The following PPM1E variants were observed in gnomAD, a reference collection of about 807,000 sequenced individuals.
The protein encoded by PPM1E is protein phosphatase, Mg2+/Mn2+ dependent 1E, also known as protein phosphatase 1E.
A neutral mutation model predicts 65.9 loss-of-function variants in PPM1E; 20 were observed. The ratio of observed to expected loss-of-function variants is 0.30; its 90% CI spans 0.21 to 0.44. PPM1E has a LOEUF of 0.44. Among genes scored for constraint, PPM1E ranks in the 20% least tolerant of loss-of-function variants. PPM1E has a pLI of 1.00. For missense variants in PPM1E, 713 were observed against 953.1 expected (o/e 0.75, Z 3.32); for synonymous variants, 352 against 374.9 (o/e 0.94, Z 0.70).
intron 2 of PPM1E, among the ~76,000 whole-genome samples, chr17:58,959,875 A>G (rs2029977666): frequency 1.3e-5 from 2 of 152,148 alleles, no homozygotes; most frequent in African/African-American, 4.8e-5. Flanking sequence ...ATAAAAATAA[A>G]CAGTAATCTC....
At chr17:58,808,840 C>A (rs1189868591) in intron 1 of PPM1E, among the ~76,000 whole-genome samples, 1 of 151,934 alleles carries the variant, frequency 6.6e-6, no homozygotes, top group African/African-American at 2.4e-5. Context: ...CCCGAGGAAA[C>A]CACCATGTAG....
At chr17:58,781,717 T>G (rs556182779) in intron 1 of PPM1E, among the ~76,000 whole-genome samples, 9 of 151,674 alleles carry the variant, frequency 5.9e-5, no homozygotes, top group Non-Finnish European at 1.0e-4. Context: ...CGAAACCCCG[T>G]CCCTACTGAA....
intron 1 of PPM1E, among the ~76,000 whole-genome samples, chr17:58,929,880 T>C (rs2051869979): frequency 6.6e-6 from 1 of 152,186 alleles, no homozygotes. Flanking sequence ...TTGTTTTACA[T>C]ACATATTTGG....
rs567168105 is a variant in PPM1E at position 58,806,303 on chromosome 17, G to A, written c.464+49842G>A. On this transcript the variant is annotated intron_variant, in intron 1 of 6. Coordinates refer to ENST00000308249, the MANE Select transcript of PPM1E (RefSeq NM_014906.5). ...GTCTATTATTACCTATCATTTTGCC[G>A]AGAAAATTAGTATGATTAGAAGGGT... 1.1e-4 allele frequency among the ~76,000 whole-genome samples: 16 copies of A among 151,604 alleles called. No homozygotes were observed. In the East Asian group the frequency reaches 2.3e-3, roughly 22 times the overall value.
chr17:58,902,327 G>A (rs1046212266), intron 1 of PPM1E, among the ~76,000 whole-genome samples: 8 of 151,450 alleles, frequency 5.3e-5, no homozygotes, highest in Non-Finnish European at 1.0e-4. Context: ...ATAGATCTTC[G>A]TGGGGGAAAA....
At chr17:58,966,416 TGTAA>T in intron 3 of PPM1E, 1 of 217,814 alleles carries the variant, frequency 4.6e-6, no homozygotes, top group Non-Finnish European at 8.5e-6. Flanking sequence ...AAAGCAGTTT[TGTAA>T]AAAAAAAAAA....
intron 1 of PPM1E, among the ~76,000 whole-genome samples, chr17:58,887,986 G>A (rs747259209): frequency 5.9e-5 from 9 of 152,304 alleles, no homozygotes; most frequent in Middle Eastern, 6.8e-3. Flanking sequence ...TTTATGTGGT[G>A]TACGTGAAGG....
chr17:58,793,469 C>T (rs887461884), intron 1 of PPM1E, among the ~76,000 whole-genome samples: 6 of 151,932 alleles, frequency 3.9e-5, no homozygotes, highest in African/African-American at 1.5e-4. Context: ...CATTTTCCTG[C>T]CTCAGCCTCC....
At chr17:58,804,433 C>T (rs1029796082) in intron 1 of PPM1E, among the ~76,000 whole-genome samples, 10 of 151,938 alleles carry the variant, frequency 6.6e-5, no homozygotes, top group African/African-American at 2.4e-4. Context: ...AAACATTATT[C>T]TCTAACTAGA....
At chr17:58,826,664 C>T (rs775767918) in intron 1 of PPM1E, among the ~76,000 whole-genome samples, 5 of 152,016 alleles carry the variant, frequency 3.3e-5, no homozygotes, top group Non-Finnish European at 5.9e-5. Flanking sequence ...CTGGCTCTGT[C>T]GCCCAGGCTA....
At chr17:58,810,708 G>A (rs1406519288) in intron 1 of PPM1E, among the ~76,000 whole-genome samples, 1 of 152,120 alleles carries the variant, frequency 6.6e-6, no homozygotes, top group Non-Finnish European at 1.5e-5. Context: ...TAGTGACTGT[G>A]TAATTCTTTC....
intron 1 of PPM1E, among the ~76,000 whole-genome samples, chr17:58,787,342 G>T: frequency 6.6e-6 from 1 of 151,750 alleles, no homozygotes; most frequent in Non-Finnish European, 1.5e-5. Flanking sequence ...GAATACACAT[G>T]ACTTAAGTAC....
intron 1 of PPM1E, among the ~76,000 whole-genome samples, chr17:58,910,269 G>A (rs966394284): frequency 1.3e-5 from 2 of 151,986 alleles, no homozygotes; most frequent in Non-Finnish European, 2.9e-5. Context: ...CCTAAGCCAA[G>A]TCCAGGCTAC....
rs902654185 is a variant in PPM1E, at chr17:58,983,999, G to A, written c.*2968G>A. 1 of 152,568 alleles carries A rather than the reference G, an allele frequency of 6.6e-6. No individual in the cohort carries two copies. Among genetic ancestry groups the A allele is most frequent in the African/African-American group, 2.4e-5 (1 of 41,410 alleles). The allele number at this position is 152,568 out of a possible 1,614,324, so 9.5% of individuals were successfully genotyped here. A position where few individuals can be genotyped will look rare whatever the true frequency, so the allele number is the denominator to read the frequency against. On this transcript the variant is annotated 3_prime_UTR_variant, in exon 7 of 7. Transcript: ENST00000308249. Reference sequence around the variant, plus strand: ...AGATGTGTACTTTTGAGGGACATGAGGTTAGGCAACATTACAGCAACACAC... The same window carrying A: ...AGATGTGTACTTTTGAGGGACATGAAGTTAGGCAACATTACAGCAACACAC...
chr17:58,965,935 A>C, intron 3 of PPM1E, 42 bp downstream of exon 3: 1 of 1,564,670 alleles, frequency 6.4e-7, no homozygotes, highest in Non-Finnish European at 8.8e-7. Context: ...TTTAAAGACA[A>C]AACAAACACC....
At chr17:58,896,194 A>G (rs2143450233) in intron 1 of PPM1E, among the ~76,000 whole-genome samples, 2 of 152,258 alleles carry the variant, frequency 1.3e-5, no homozygotes, top group East Asian at 1.9e-4. Flanking sequence ...TCTGAAGAGA[A>G]GATTGAACCA....
intron 6 of PPM1E, among the ~76,000 whole-genome samples, chr17:58,975,389 C>G (rs1418520050): frequency 7.2e-5 from 11 of 152,174 alleles, no homozygotes. Context: ...TGGCAGCCAG[C>G]ACTGTGGAAG....
At chr17:58,801,135 G>A (rs1029675570) in intron 1 of PPM1E, among the ~76,000 whole-genome samples, 1 of 151,940 alleles carries the variant, frequency 6.6e-6, no homozygotes, top group Admixed American at 6.6e-5. Context: ...GTGTATTCTG[G>A]CCTTGCTGGA....
chr17:58,811,968 C>T (rs960962950), intron 1 of PPM1E, among the ~76,000 whole-genome samples: 4 of 151,974 alleles, frequency 2.6e-5, no homozygotes, highest in African/African-American at 4.8e-5. Flanking sequence ...TGCTCCCGGC[C>T]AATTTATGCT....
Sources: allele counts gnomAD v4.1 joint callset (sites outside exome capture counted in the v4.1 genomes callset), GRCh38; gene constraint gnomAD v4.1.1; transcripts MANE v1.5; gene names NCBI Gene and HGNC (gene_info 2026-07-23, HGNC 2026-07-21).